STAG2: variants seen among roughly 807,000 people sequenced by gnomAD.
STAG2 encodes STAG2 cohesin complex component.
STAG2 carries 14 observed loss-of-function variants against 108.1 expected under a neutral mutation model. That is an observed-to-expected ratio of 0.13 (90% CI 0.09 to 0.20). STAG2 has a LOEUF of 0.20. STAG2 is among the 10% of genes least tolerant of loss of function. STAG2 has a pLI of 1.00. For missense variants in STAG2, 440 were observed against 940.9 expected (o/e 0.47, Z 6.96); for synonymous variants, 307 against 302.7 (o/e 1.01, Z -0.15).
In STAG2 at chrX:124,047,236, C is replaced by T. The variant is rs746844855; in HGVS notation, c.668-118C>T. On this transcript the variant is annotated intron_variant, in intron 8 of 34. Coordinates refer to ENST00000371145, the MANE Select transcript of STAG2 (RefSeq NM_001042750.2). ...TTATTGTCATTTGTAGCAGCTGCAT[C>T]TTTCTTTTGTTAGAAGCAGATTAGC... 5.9e-5 allele frequency: 33 copies of T among 558,548 alleles called. No homozygotes were observed. In the African/African-American group the frequency reaches 7.4e-4, roughly 13 times the overall value. 46.0% of individuals were successfully genotyped at this position (558,548 alleles called of 1,213,427 possible). A position where few individuals can be genotyped will look rare whatever the true frequency, so the allele number is the denominator to read the frequency against.
At chrX:123,977,832 GTTTTTTTTTTTTTT>G (rs35569156) in intron 1 of STAG2, among the ~76,000 whole-genome samples, 6 of 38,572 alleles carry the variant, frequency 1.6e-4, no homozygotes, top group East Asian at 2.1e-3. Context: ...GTTCCCAAGT[GTTTTTTTTTTTTTT>G]TTTTTTTTTT....
intron 1 of STAG2, among the ~76,000 whole-genome samples, chrX:124,011,786 ACT>A (rs2056531868): frequency 9.1e-6 from 1 of 109,706 alleles, no homozygotes; most frequent in Non-Finnish European, 1.9e-5. Flanking sequence ...CACCTGTCCC[ACT>A]CTCATAACTA....
intron 27 of STAG2, among the ~76,000 whole-genome samples, chrX:124,081,129 T>A (rs1302977544): frequency 7.2e-5 from 8 of 111,291 alleles, no homozygotes; most frequent in African/African-American, 2.6e-4. Context: ...TATGTTAATA[T>A]CCAATTAATA....
At chrX:124,053,262 T>C (rs937833583) in intron 13 of STAG2, among the ~76,000 whole-genome samples, 10 of 112,301 alleles carry the variant, frequency 8.9e-5, no homozygotes, top group East Asian at 2.8e-4. Flanking sequence ...CAAAATAATA[T>C]GACGTTTTAT....
At chrX:124,049,146 G>A (rs1279914567) in intron 10 of STAG2, 68 bp downstream of exon 10, 15 of 841,815 alleles carry the variant, frequency 1.8e-5, no homozygotes, top group Admixed American at 1.6e-4. Context: ...TGCATATTTC[G>A]TGGTGTAGGG....
At chrX:123,989,380 A>G in intron 1 of STAG2, among the ~76,000 whole-genome samples, 1 of 111,137 alleles carries the variant, frequency 9.0e-6, no homozygotes, top group Middle Eastern at 4.6e-3. Flanking sequence ...ATTGAATTAT[A>G]TGTATTGCAT....
rs767210091 is a variant in STAG2 at position 124,062,466 on chromosome X, TTC to T, written c.1639-434_1639-433del. On this transcript the variant is annotated intron_variant, in intron 17 of 34. Transcript: ENST00000371145. ...TTTTCTATTTCTGTTTTTTAAAAAT[TTC>T]TGTTTCTTTTTTGCTAATTGCTGAT... Among the ~76,000 whole-genome samples the T allele has an allele frequency of 4.4e-5, 5 of 112,419 alleles. No homozygotes were observed. The South Asian group carries it at 1.8e-3, about 41-fold the overall frequency.
At chrX:124,096,176 A>AT (rs200817592) in intron 34 of STAG2, among the ~76,000 whole-genome samples, 17 of 108,212 alleles carry the variant, frequency 1.6e-4, no homozygotes, top group African/African-American at 4.8e-4. Context: ...TCTTTTATTG[A>AT]TTTTTTTCCC....
At chrX:124,054,998 C>G (rs999380384) in intron 13 of STAG2, among the ~76,000 whole-genome samples, 1 of 111,024 alleles carries the variant, frequency 9.0e-6, no homozygotes, top group Non-Finnish European at 1.9e-5. Flanking sequence ...AACACCTGGG[C>G]TCAAGTGATC....
chrX:124,016,543 T>C (rs1379673347), intron 1 of STAG2, among the ~76,000 whole-genome samples: 2 of 112,121 alleles, frequency 1.8e-5, no homozygotes, highest in Admixed American at 1.9e-4. Context: ...CTATCAGTGG[T>C]ACTTGGTTGG....
intron 1 of STAG2, among the ~76,000 whole-genome samples, chrX:123,986,121 A>G (rs1165227057): frequency 1.9e-5 from 2 of 105,872 alleles, no homozygotes; most frequent in African/African-American, 6.8e-5. Context: ...ATGTATCTAT[A>G]TATACATATA....
intron 1 of STAG2, among the ~76,000 whole-genome samples, chrX:123,991,181 A>G (rs2055442545): frequency 1.8e-5 from 2 of 111,939 alleles, no homozygotes; most frequent in South Asian, 7.4e-4. Context: ...TATAGTGAAT[A>G]CTCATATACC....
intron 1 of STAG2, among the ~76,000 whole-genome samples, chrX:123,988,628 A>G (rs1208774799): frequency 9.0e-6 from 1 of 111,518 alleles, no homozygotes; most frequent in Non-Finnish European, 1.9e-5. Flanking sequence ...GATATACTTT[A>G]TGGTATGTGT....
intron 27 of STAG2, among the ~76,000 whole-genome samples, chrX:124,081,021 G>C (rs1172200334): frequency 8.9e-6 from 1 of 111,939 alleles, no homozygotes; most frequent in African/African-American, 3.2e-5. Flanking sequence ...CATGTTAAGA[G>C]TTCTTGATGT....
chrX:124,084,338 CT>C (rs760000420), intron 29 of STAG2, among the ~76,000 whole-genome samples: 95 of 102,807 alleles, frequency 9.2e-4, no homozygotes, highest in Non-Finnish European at 8.8e-4. Flanking sequence ...AGTTCTGTAT[CT>C]TTTTTTTTTT....
chrX:123,992,068 T>G (rs1202663260), intron 1 of STAG2, among the ~76,000 whole-genome samples: 2 of 112,273 alleles, frequency 1.8e-5, no homozygotes, highest in East Asian at 5.6e-4. Context: ...ATGCAAATAT[T>G]GGGCCATTTT....
At chrX:123,997,177 TGTTC>T (rs1178240758) in intron 1 of STAG2, among the ~76,000 whole-genome samples, 1 of 112,249 alleles carries the variant, frequency 8.9e-6, no homozygotes, top group Non-Finnish European at 1.9e-5. Context: ...CTTCCAACTT[TGTTC>T]TTTTTCAAAA....
At chrX:124,001,697 G>T (rs2056050948) in intron 1 of STAG2, among the ~76,000 whole-genome samples, 1 of 111,811 alleles carries the variant, frequency 8.9e-6, no homozygotes, top group Non-Finnish European at 1.9e-5. Flanking sequence ...GTATAGGTTT[G>T]TAGCCTAGGA....
rs2059113235 is a variant in STAG2, at chrX:124,086,534, A to G, written c.3054-13A>G. ...TTCTGTATCAAAGCTAACAGTTTCG[A>G]TTTCTTTTCAAGGTATGTTTACTTG... is the stretch of plus-strand genomic sequence containing the variant. On this transcript the variant is annotated splice_polypyrimidine_tract_variant and intron_variant, in intron 29 of 34. Transcript: ENST00000371145. 24 of 1,181,956 alleles carry G rather than the reference A, an allele frequency of 2.0e-5. No individual in the cohort carries two copies. Among genetic ancestry groups the G allele is most frequent in the Non-Finnish European group, 2.6e-5 (23 of 870,681 alleles).
Sources: allele counts gnomAD v4.1 joint callset (sites outside exome capture counted in the v4.1 genomes callset), GRCh38; gene constraint gnomAD v4.1.1; transcripts MANE v1.5; gene names NCBI Gene and HGNC (gene_info 2026-07-23, HGNC 2026-07-21).